Variants in VPS50 observed in about 807,000 individuals in gnomAD.
The protein encoded by VPS50 is syndetin.
A neutral mutation model predicts 139.7 loss-of-function variants in VPS50; 70 were observed. The ratio of observed to expected loss-of-function variants is 0.50; its 90% CI spans 0.41 to 0.61. The LOEUF (loss-of-function observed/expected upper bound fraction) is 0.61. VPS50 is among the 20% of genes least tolerant of loss of function. The pLI, the probability that VPS50 is intolerant of heterozygous loss-of-function variation, is 0.00. For missense variants in VPS50, 921 were observed against 1,133.7 expected (o/e 0.81, Z 2.69); for synonymous variants, 365 against 376.7 (o/e 0.97, Z 0.36).
At chr7:93,352,306 CAA>C (rs1188777846) in intron 25 of VPS50, among the ~76,000 whole-genome samples, 2 of 151,966 alleles carry the variant, frequency 1.3e-5, no homozygotes, top group African/African-American at 4.8e-5. Context: ...AAACAACAGA[CAA>C]AGAGCAATTA....
chr7:93,274,282 G>T (rs538589350), intron 11 of VPS50, among the ~76,000 whole-genome samples: 1 of 152,192 alleles, frequency 6.6e-6, no homozygotes, highest in South Asian at 2.1e-4. Flanking sequence ...ATTTTCAGAG[G>T]TACAGAGAAT....
In VPS50 at chr7:93,311,237, T is replaced by A; in HGVS notation, c.1820T>A (p.Leu607Ter). 1.5e-6 allele frequency: 2 copies of A among 1,367,508 alleles called. No homozygotes were observed. Among genetic ancestry groups the A allele is most frequent in the African/African-American group, 1.4e-5 (1 of 70,380 alleles). 84.7% of individuals were successfully genotyped at this position (1,367,508 alleles called of 1,614,324 possible). ...CTAAATAAAGTGAATGCACCTATCT[T>A]AACAAATACAACATTGAACGTCATA... ...YSLNKVNAPI[L>*]TNTTLNVIRL... Residue 607 changes from leucine to a stop codon, truncating the protein, a stop_gained, in exon 20 of 28, where the codon TTA becomes TAA. Coordinates refer to ENST00000305866, the MANE Select transcript of VPS50 (RefSeq NM_017667.4). LOFTEE classifies it high-confidence loss of function.
At position 93,296,810 on chromosome 7, in the gene VPS50, C is replaced by T; in HGVS notation, c.1236C>T (p.Phe412=). Residue 412 remains phenylalanine (F), a synonymous_variant, in exon 15 of 28, where the codon TTC becomes TTT. Transcript: ENST00000305866. ...TGTCTATATTCAAATATGATGATTT[C>T]ATCTTTGTTTTGGATATAATCAGCA... ...TDLSIFKYDD[F]IFVLDIISRL... The T allele has an allele frequency of 6.2e-7, 1 of 1,603,458 alleles. No homozygotes were observed. Among genetic ancestry groups the T allele is most frequent in the Non-Finnish European group, 8.5e-7 (1 of 1,177,568 alleles).
intron 1 of VPS50, among the ~76,000 whole-genome samples, chr7:93,233,528 T>C (rs1174456352): frequency 1.3e-5 from 2 of 152,236 alleles, no homozygotes; most frequent in Non-Finnish European, 2.9e-5. Flanking sequence ...AAATTGTGTA[T>C]TTCTCTTGCA....
At chr7:93,343,854 G>A (rs1293136350) in intron 23 of VPS50, among the ~76,000 whole-genome samples, 10 of 152,120 alleles carry the variant, frequency 6.6e-5, no homozygotes, top group Admixed American at 2.0e-4. Context: ...AGGAACAACC[G>A]GTACCAGCCG....
intron 20 of VPS50, among the ~76,000 whole-genome samples, chr7:93,316,301 C>T (rs1051705207): frequency 6.6e-6 from 1 of 152,118 alleles, no homozygotes; most frequent in African/African-American, 2.4e-5. Flanking sequence ...AAAGACTGTC[C>T]TATGCAGCTT....
chr7:93,286,991 TTG>T (rs1461400070), intron 12 of VPS50, among the ~76,000 whole-genome samples: 7 of 135,348 alleles, frequency 5.2e-5, no homozygotes, highest in Non-Finnish European at 7.6e-5. Flanking sequence ...GTTGAAAACG[TTG>T]TTTTTTTTTT....
intron 23 of VPS50, 87 bp from the exon 24 acceptor site, chr7:93,348,624 A>G: frequency 1.1e-6 from 1 of 903,808 alleles, no homozygotes; most frequent in South Asian, 1.5e-5. Flanking sequence ...TTTTGCTCAG[A>G]AATGTTAAAA....
intron 12 of VPS50, among the ~76,000 whole-genome samples, chr7:93,276,969 G>A (rs773609338): frequency 3.3e-5 from 5 of 152,166 alleles, no homozygotes; most frequent in African/African-American, 7.2e-5. Flanking sequence ...TGCTGAGGAC[G>A]CAGTTGCATA....
intron 9 of VPS50, among the ~76,000 whole-genome samples, chr7:93,269,670 A>G (rs1397276646): frequency 6.6e-6 from 1 of 152,116 alleles, no homozygotes; most frequent in Non-Finnish European, 1.5e-5. Context: ...GAAAGGCTCT[A>G]TAAGAAGCAA....
Position 93,356,087 on chromosome 7 carries a change from G to T in VPS50, c.2775+7G>T, listed in dbSNP as rs370034778. The T allele has an allele frequency of 1.5e-6, 2 of 1,359,236 alleles. No homozygotes were observed. The highest frequency in any genetic ancestry group is 2.0e-6 in the Non-Finnish European group (2 of 1,015,780). The allele number at this position is 1,359,236 out of a possible 1,614,324, so 84.2% of individuals were successfully genotyped here. A position where few individuals can be genotyped will look rare whatever the true frequency, so the allele number is the denominator to read the frequency against. On this transcript the variant is annotated splice_region_variant and intron_variant, in intron 27 of 27. Coordinates refer to ENST00000305866, the MANE Select transcript of VPS50 (RefSeq NM_017667.4). ...GTGGATCAAAGAGCACAGGGTGAGAGCTGGAAAATAGTTAATTAAGTTTTT... is the reference window on the plus strand; with the variant it reads ...GTGGATCAAAGAGCACAGGGTGAGATCTGGAAAATAGTTAATTAAGTTTTT...
In VPS50 at chr7:93,291,733, C is replaced by T; in HGVS notation, c.973C>T (p.Leu325Phe). 1.9e-6 allele frequency: 3 copies of T among 1,574,608 alleles called. No homozygotes were observed. Among genetic ancestry groups the T allele is most frequent in the Non-Finnish European group, 2.6e-6 (3 of 1,157,424 alleles). ...TACACCAGACAGCTATATTCCATGC[C>T]TTGCAGACCTGTGCAAAGCACTATG... ...HVTPDSYIPC[L>F]ADLCKALWEV... Residue 325 changes from leucine (L) to phenylalanine (F), a missense_variant, in exon 13 of 28, where the codon CTT becomes TTT. By Grantham distance (22) the Leu-to-Phe change is conservative (BLOSUM62 0). Coordinates refer to ENST00000305866, the MANE Select transcript of VPS50 (RefSeq NM_017667.4).
chr7:93,358,549 G>A lies in VPS50; in HGVS notation c.*113G>A. The A allele has an allele frequency of 1.2e-6, 1 of 866,548 alleles. No individual in the cohort carries two copies. The highest frequency in any genetic ancestry group is 1.8e-6 in the Non-Finnish European group (1 of 550,232). The allele number at this position is 866,548 out of a possible 1,614,324, so 53.7% of individuals were successfully genotyped here. ...TATCTGCTAAGAAAACTTTGTGCAT[G>A]TTTTTTTGACTGGAAAGTGGAAAAT... is the stretch of plus-strand genomic sequence containing the variant. On this transcript the variant is annotated 3_prime_UTR_variant, in exon 28 of 28. Transcript: ENST00000305866.
intron 23 of VPS50, among the ~76,000 whole-genome samples, chr7:93,342,772 T>C (rs1798260708): frequency 6.6e-6 from 1 of 152,132 alleles, no homozygotes; most frequent in African/African-American, 2.4e-5. Flanking sequence ...GCTGAGGGTC[T>C]TGTCTGTTAG....
At chr7:93,285,315 A>G (rs1176293497) in intron 12 of VPS50, among the ~76,000 whole-genome samples, 4 of 152,228 alleles carry the variant, frequency 2.6e-5, no homozygotes, top group Non-Finnish European at 5.9e-5. Flanking sequence ...AATAAGAACA[A>G]AATAATTCAT....
intron 12 of VPS50, among the ~76,000 whole-genome samples, chr7:93,280,810 A>G (rs999867727): frequency 1.3e-5 from 2 of 152,054 alleles, no homozygotes; most frequent in African/African-American, 2.4e-5. Flanking sequence ...TCATTTCCAA[A>G]TCATCTTAAT....
chr7:93,276,457 T>G, intron 12 of VPS50, 152 bp downstream of exon 12: 2 of 1,266,272 alleles, frequency 1.6e-6, no homozygotes, highest in Non-Finnish European at 2.1e-6. Context: ...GTTCTTTTCC[T>G]TATAGAGAAG....
intron 25 of VPS50, among the ~76,000 whole-genome samples, chr7:93,353,103 A>G (rs1798604001): frequency 6.6e-6 from 1 of 152,154 alleles, no homozygotes; most frequent in Admixed American, 6.6e-5. Context: ...CCAGAGTCCA[A>G]AAATGCTTCT....
intron 2 of VPS50, among the ~76,000 whole-genome samples, chr7:93,251,097 C>T (rs953209638): frequency 2.6e-5 from 4 of 152,150 alleles, no homozygotes; most frequent in African/African-American, 7.2e-5. Context: ...TAAATTAGTT[C>T]AACCATTGTG....
Sources: allele counts gnomAD v4.1 joint callset (sites outside exome capture counted in the v4.1 genomes callset), GRCh38; gene constraint gnomAD v4.1.1; transcripts MANE v1.5; gene names NCBI Gene and HGNC (gene_info 2026-07-23, HGNC 2026-07-21).